Variants in RXFP1 observed in about 807,000 individuals in gnomAD.
RXFP1 encodes relaxin family peptide receptor 1.
In RXFP1, 73 loss-of-function variants were observed where a neutral mutation model predicts 89.8. That is an observed-to-expected ratio of 0.81 (90% confidence interval 0.67 to 0.99). The LOEUF (loss-of-function observed/expected upper bound fraction) is 0.99, where lower values mean the gene tolerates loss of function less well. Among genes scored for constraint, RXFP1 ranks in the 50% least tolerant of loss-of-function variants. RXFP1 has a pLI of 0.00. For missense variants in RXFP1, 793 were observed against 895.5 expected (o/e 0.89, Z 1.46); for synonymous variants, 277 against 305.5 (o/e 0.91, Z 0.97).
intron 3 of RXFP1, among the ~76,000 whole-genome samples, chr4:158,594,880 T>C (rs1760229840): frequency 6.6e-6 from 1 of 152,308 alleles, no homozygotes; most frequent in African/African-American, 2.4e-5. Context: ...ATTAACAATA[T>C]GTCTGAATAA....
At chr4:158,547,518 T>C (rs1319885268) in intron 1 of RXFP1, among the ~76,000 whole-genome samples, 1 of 152,200 alleles carries the variant, frequency 6.6e-6, no homozygotes, top group African/African-American at 2.4e-5. Context: ...CTCTTGCTTT[T>C]CTAGTTATTT....
At chr4:158,629,950 G>T (rs1440544916) in intron 11 of RXFP1, among the ~76,000 whole-genome samples, 1 of 152,142 alleles carries the variant, frequency 6.6e-6, no homozygotes, top group Non-Finnish European at 1.5e-5. Flanking sequence ...GAAAGAATCT[G>T]AATGTGGACA....
At chr4:158,577,847 C>T (rs1387645550) in intron 2 of RXFP1, among the ~76,000 whole-genome samples, 2 of 152,106 alleles carry the variant, frequency 1.3e-5, no homozygotes, top group Non-Finnish European at 2.9e-5. Flanking sequence ...TAAACAAGTA[C>T]TCTTATTTAG....
intron 1 of RXFP1, among the ~76,000 whole-genome samples, chr4:158,545,329 A>T (rs902294952): frequency 4.6e-5 from 7 of 151,914 alleles, no homozygotes. Context: ...GTTTGACTTC[A>T]TTGTAGATTC....
intron 1 of RXFP1, among the ~76,000 whole-genome samples, chr4:158,562,557 A>G (rs1000698615): frequency 3.6e-4 from 54 of 148,148 alleles, no homozygotes; most frequent in Non-Finnish European, 7.3e-4. Context: ...AAAAATACAC[A>G]TATTTATTAA....
intron 6 of RXFP1, among the ~76,000 whole-genome samples, chr4:158,608,690 T>C (rs745681658): frequency 3.4e-4 from 51 of 152,196 alleles, no homozygotes; most frequent in Non-Finnish European, 6.6e-4. Flanking sequence ...TACATTGACA[T>C]TGTTATGGAA....
In RXFP1 at chr4:158,556,224, CAA is replaced by C. The variant is rs11337872; in HGVS notation, c.50-16458_50-16457del. On this transcript the variant is annotated intron_variant, in intron 1 of 17. Coordinates refer to ENST00000307765, the MANE Select transcript of RXFP1 (RefSeq NM_021634.4). ...CCAAAATACATAAGAAACTTAACAG[CAA>C]AAAAAAAAAAAAAAATTGAAAAATG... 9.0e-3 allele frequency among the ~76,000 whole-genome samples: 1,189 copies of C among 132,422 alleles called. 8 individuals carry two copies. Among genetic ancestry groups the C allele is most frequent in the African/African-American group, 0.021 (751 of 36,042 alleles). The allele number at this position is 132,422 out of a possible 152,430, so 86.9% of individuals were successfully genotyped here.
chr4:158,626,889 T>C lies in RXFP1; in HGVS notation c.825T>C (p.Val275=). Reference sequence around the variant, plus strand: ...TTATTTCCTGCAGTAATTTAACTGTTTTGTAAGTAATATGCTATGCTTTTG... The same window carrying C: ...TTATTTCCTGCAGTAATTTAACTGTCTTGTAAGTAATATGCTATGCTTTTG... ...LTFISCSNLT[V]LVMRKNKINH... The change falls in exon 10 of 18, where the codon GTT becomes GTC. Residue 275 remains valine, a splice_region_variant and synonymous_variant. Transcript: ENST00000307765. The C allele has an allele frequency of 6.9e-7, 1 of 1,448,488 alleles. No homozygotes were observed. Among genetic ancestry groups the C allele is most frequent in the Non-Finnish European group, 9.5e-7 (1 of 1,048,926 alleles). The allele number at this position is 1,448,488 out of a possible 1,614,324, so 89.7% of individuals were successfully genotyped here. A position where few individuals can be genotyped will look rare whatever the true frequency, so the allele number is the denominator to read the frequency against.
intron 1 of RXFP1, among the ~76,000 whole-genome samples, chr4:158,569,408 C>T (rs531030527): frequency 1.3e-5 from 2 of 152,198 alleles, no homozygotes; most frequent in South Asian, 4.2e-4. Context: ...CAGTGAACTC[C>T]AATGTAAACT....
chr4:158,572,636 C>A, intron 1 of RXFP1, 62 bp from the exon 2 acceptor site: 1 of 1,437,010 alleles, frequency 7.0e-7, no homozygotes, highest in Non-Finnish European at 9.8e-7. Flanking sequence ...GGAGAAACTG[C>A]TCTTTGCCAC....
rs535958794 is a variant in RXFP1 at position 158,610,225 on chromosome 4, A to G, written c.537-1905A>G. Among the ~76,000 whole-genome samples the G allele has an allele frequency of 3.3e-5, 5 of 152,304 alleles. No individual in the cohort carries two copies. The East Asian group carries it at 9.7e-4, about 29-fold the overall frequency. On this transcript the variant is annotated intron_variant, in intron 6 of 17. Coordinates refer to ENST00000307765, the MANE Select transcript of RXFP1 (RefSeq NM_021634.4). Reference sequence around the variant, plus strand: ...GGTTGCAGTGAGCCGAGATCGCGCCACTGCACTCCAGCCTGGGCATCAGAG... The same window carrying G: ...GGTTGCAGTGAGCCGAGATCGCGCCGCTGCACTCCAGCCTGGGCATCAGAG...
intron 9 of RXFP1, among the ~76,000 whole-genome samples, chr4:158,623,389 C>A (rs893766376): frequency 1.4e-5 from 2 of 144,490 alleles, no homozygotes; most frequent in Non-Finnish European, 3.0e-5. Flanking sequence ...GTAATCCCAG[C>A]AAATCAGGAG....
At chr4:158,548,820 G>A (rs1749265554) in intron 1 of RXFP1, among the ~76,000 whole-genome samples, 1 of 152,232 alleles carries the variant, frequency 6.6e-6, no homozygotes, top group Admixed American at 6.5e-5. Context: ...CGAGAGATCA[G>A]CTGTTAGTCT....
chr4:158,549,996 A>T (rs1247454637), intron 1 of RXFP1, among the ~76,000 whole-genome samples: 3 of 152,180 alleles, frequency 2.0e-5, no homozygotes. Context: ...AGGGATATTT[A>T]AGCCTGCAGA....
intron 1 of RXFP1, among the ~76,000 whole-genome samples, chr4:158,568,020 T>C (rs1159720148): frequency 1.3e-5 from 2 of 152,212 alleles, no homozygotes; most frequent in Admixed American, 1.3e-4. Context: ...GCTTCACTCC[T>C]GAAGCCATCA....
At chr4:158,618,679 G>T (rs1411391473) in intron 9 of RXFP1, among the ~76,000 whole-genome samples, 1 of 151,792 alleles carries the variant, frequency 6.6e-6, no homozygotes, top group Non-Finnish European at 1.5e-5. Context: ...CAGATTTCTT[G>T]GCCAAACATC....
At chr4:158,537,495 A>G (rs905432032) in intron 1 of RXFP1, among the ~76,000 whole-genome samples, 25 of 152,230 alleles carry the variant, frequency 1.6e-4, no homozygotes, top group African/African-American at 5.8e-4. Context: ...GGATAGTTAC[A>G]GAAATTGGGT....
At chr4:158,616,339 G>A (rs1369729156) in intron 8 of RXFP1, among the ~76,000 whole-genome samples, 1 of 152,050 alleles carries the variant, frequency 6.6e-6, no homozygotes, top group Non-Finnish European at 1.5e-5. Flanking sequence ...TGAGGCAGGA[G>A]AATTGCTTGA....
intron 3 of RXFP1, 60 bp downstream of exon 3, chr4:158,593,559 G>A: frequency 2.3e-6 from 2 of 865,430 alleles, no homozygotes; most frequent in South Asian, 2.3e-5. Flanking sequence ...ATTTTTAAAA[G>A]TTTGATTCAA....
Sources: allele counts gnomAD v4.1 joint callset (sites outside exome capture counted in the v4.1 genomes callset), GRCh38; gene constraint gnomAD v4.1.1; transcripts MANE v1.5; gene names NCBI Gene and HGNC (gene_info 2026-07-23, HGNC 2026-07-21).